SDK1: variants seen among roughly 807,000 people sequenced by gnomAD.
SDK1 encodes protein sidekick-1.
SDK1 carries 157 observed loss-of-function variants against 245.5 expected under a neutral mutation model. That is an observed-to-expected ratio of 0.64 (90% CI 0.56 to 0.73). The LOEUF is 0.73. Ranked by LOEUF, SDK1 falls within the 30% of genes least tolerant of loss-of-function variation. The pLI is 0.00. For missense variants in SDK1, 3,583 were observed against 3,002.3 expected (o/e 1.19, Z -4.52); for synonymous variants, 1,647 against 1,278.5 (o/e 1.29, Z -6.15).
At chr7:3,814,637 C>G (rs1779463887) in intron 4 of SDK1, among the ~76,000 whole-genome samples, 1 of 151,896 alleles carries the variant, frequency 6.6e-6, no homozygotes, top group Non-Finnish European at 1.5e-5. Flanking sequence ...TAGTTTTTTC[C>G]AATTCTGTGA....
At chr7:3,775,033 G>A (rs187364612) in intron 4 of SDK1, among the ~76,000 whole-genome samples, 106 of 152,294 alleles carry the variant, frequency 7.0e-4, no homozygotes, top group African/African-American at 2.5e-3. Context: ...GGCGCTGATC[G>A]ATGGCAGGGT....
chr7:3,341,259 T>C (rs114809658), intron 1 of SDK1, among the ~76,000 whole-genome samples: 1,674 of 152,062 alleles, frequency 0.011, 30 homozygotes, highest in African/African-American at 0.038. Context: ...CAAAGAAAAA[T>C]CAGCATCTAT....
intron 40 of SDK1, among the ~76,000 whole-genome samples, chr7:4,224,188 A>G (rs1183915551): frequency 2.0e-5 from 3 of 152,244 alleles, no homozygotes; most frequent in African/African-American, 7.2e-5. Flanking sequence ...TCACATTGCC[A>G]TAAAGAAATG....
chr7:4,168,678 C>A (rs571822781), intron 32 of SDK1, among the ~76,000 whole-genome samples: 1 of 152,322 alleles, frequency 6.6e-6, no homozygotes, highest in Non-Finnish European at 1.5e-5. Flanking sequence ...CTGAAGGCCT[C>A]TGCAGTCTTC....
At chr7:3,757,180 AT>A (rs1344034031) in intron 4 of SDK1, among the ~76,000 whole-genome samples, 4 of 152,076 alleles carry the variant, frequency 2.6e-5, no homozygotes, top group African/African-American at 9.7e-5. Flanking sequence ...GTGTCCTCAT[AT>A]ACATCTGACA....
At chr7:3,933,390 G>A (rs1455197800) in intron 5 of SDK1, among the ~76,000 whole-genome samples, 2 of 152,168 alleles carry the variant, frequency 1.3e-5, no homozygotes, top group African/African-American at 4.8e-5. Flanking sequence ...TGGGATTACA[G>A]GTGTGAGCCG....
At chr7:3,614,534 T>C (rs1419578441) in intron 1 of SDK1, among the ~76,000 whole-genome samples, 1 of 152,234 alleles carries the variant, frequency 6.6e-6, no homozygotes, top group Non-Finnish European at 1.5e-5. Flanking sequence ...CTCTTTCCCA[T>C]TTAAAGTATG....
chr7:4,234,650 C>A (rs75175271), intron 41 of SDK1, among the ~76,000 whole-genome samples: 6,847 of 152,264 alleles, frequency 0.045, 174 homozygotes, highest in Middle Eastern at 0.085. Context: ...CAACCCTGGC[C>A]GCACCTTAGG....
chr7:4,059,563 G>C (rs1331545393), intron 19 of SDK1, among the ~76,000 whole-genome samples: 1 of 152,154 alleles, frequency 6.6e-6, no homozygotes, highest in African/African-American at 2.4e-5. Flanking sequence ...AGAAACATTG[G>C]ATTTAAACTG....
chr7:4,208,046 C>A, intron 36 of SDK1, 53 bp from the exon 37 acceptor site: 1 of 1,414,406 alleles, frequency 7.1e-7, no homozygotes. Flanking sequence ...GTGGCCCCCG[C>A]TTACTGGAAG....
intron 5 of SDK1, among the ~76,000 whole-genome samples, chr7:3,910,976 C>T (rs539038734): frequency 6.6e-6 from 1 of 152,322 alleles, no homozygotes; most frequent in East Asian, 1.9e-4. Flanking sequence ...CTGTCTCCCG[C>T]TGCCTGCTCT....
intron 1 of SDK1, among the ~76,000 whole-genome samples, chr7:3,406,438 C>A (rs1460136809): frequency 1.3e-5 from 2 of 152,076 alleles, no homozygotes; most frequent in African/African-American, 4.8e-5. Context: ...TTTTCCTCTC[C>A]AATGGACTGG....
intron 14 of SDK1, among the ~76,000 whole-genome samples, chr7:3,997,947 C>T (rs904244819): frequency 3.3e-5 from 5 of 152,226 alleles, no homozygotes; most frequent in Non-Finnish European, 7.3e-5. Context: ...GCAGGCACTT[C>T]CAAGCCTGCG....
intron 4 of SDK1, among the ~76,000 whole-genome samples, chr7:3,727,544 G>T (rs1368823346): frequency 6.6e-6 from 1 of 152,116 alleles, no homozygotes; most frequent in Non-Finnish European, 1.5e-5. Context: ...AGGCTGGAGT[G>T]CAGTGGCGCC....
intron 4 of SDK1, among the ~76,000 whole-genome samples, chr7:3,737,694 G>A (rs970328173): frequency 6.6e-6 from 1 of 152,152 alleles, no homozygotes; most frequent in African/African-American, 2.4e-5. Flanking sequence ...TTTGTTCCTA[G>A]CCAACCCCAG....
chr7:4,169,881 C>A (rs1262245293), intron 32 of SDK1, among the ~76,000 whole-genome samples: 1 of 152,138 alleles, frequency 6.6e-6, no homozygotes, highest in African/African-American at 2.4e-5. Context: ...CCGAGTCACA[C>A]AGGACAGATG....
intron 4 of SDK1, among the ~76,000 whole-genome samples, chr7:3,754,633 G>C (rs552363319): frequency 6.6e-6 from 1 of 151,596 alleles, no homozygotes; most frequent in Non-Finnish European, 1.5e-5. Context: ...AGTTCTCCCC[G>C]GATTGCTGAC....
intron 32 of SDK1, among the ~76,000 whole-genome samples, chr7:4,169,087 G>A (rs1416871949): frequency 6.6e-6 from 1 of 152,228 alleles, no homozygotes; most frequent in Non-Finnish European, 1.5e-5. Flanking sequence ...GGGCCCAGGA[G>A]AGGAAAGTCA....
chr7:3,735,799 A>G (rs1483484415), intron 4 of SDK1, among the ~76,000 whole-genome samples: 2 of 152,164 alleles, frequency 1.3e-5, no homozygotes, highest in Non-Finnish European at 2.9e-5. Flanking sequence ...AGTGCACAAG[A>G]TCTCCAGTTT....
Sources: allele counts gnomAD v4.1 joint callset (sites outside exome capture counted in the v4.1 genomes callset), GRCh38; gene constraint gnomAD v4.1.1; transcripts MANE v1.5; gene names NCBI Gene and HGNC (gene_info 2026-07-23, HGNC 2026-07-21).